Variants in PARP15 observed in about 807,000 individuals in gnomAD.
PARP15 encodes poly(ADP-ribose) polymerase family member 15, also known as protein mono-ADP-ribosyltransferase PARP15.
A neutral mutation model predicts 62.1 loss-of-function variants in PARP15; 50 were observed. The ratio of observed to expected loss-of-function variants is 0.81; its 90% confidence interval spans 0.64 to 1.02. The LOEUF (loss-of-function observed/expected upper bound fraction) is 1.02. Among genes scored for constraint, PARP15 ranks in the 50% least tolerant of loss-of-function variants. The pLI is 0.00. For missense variants in PARP15, 820 were observed against 826.5 expected (o/e 0.99, Z 0.10); for synonymous variants, 309 against 293.1 (o/e 1.05, Z -0.55).
chr3:122,625,729 TG>T (rs1936680390), intron 8 of PARP15, among the ~76,000 whole-genome samples: 1 of 152,226 alleles, frequency 6.6e-6, no homozygotes, highest in African/African-American at 2.4e-5. Context: ...GCTGATACCT[TG>T]GCCTCAGTCT....
At chr3:122,583,524 G>A (rs1311701013) in intron 1 of PARP15, among the ~76,000 whole-genome samples, 1 of 151,972 alleles carries the variant, frequency 6.6e-6, no homozygotes, top group Non-Finnish European at 1.5e-5. Context: ...TTGATTGGAT[G>A]CCAGACATTA....
At chr3:122,592,691 A>G (rs183861177) in intron 1 of PARP15, among the ~76,000 whole-genome samples, 1 of 152,272 alleles carries the variant, frequency 6.6e-6, no homozygotes, top group East Asian at 1.9e-4. Flanking sequence ...CACTGTTCTA[A>G]CCATTAAACT....
intron 1 of PARP15, among the ~76,000 whole-genome samples, chr3:122,599,190 C>A (rs1044802512): frequency 3.3e-5 from 5 of 152,198 alleles, no homozygotes; most frequent in African/African-American, 4.8e-5. Flanking sequence ...GCCACCACAC[C>A]CAGCCTGTCC....
At chr3:122,583,427 T>A (rs1449122108) in intron 1 of PARP15, among the ~76,000 whole-genome samples, 2 of 152,124 alleles carry the variant, frequency 1.3e-5, no homozygotes, top group Non-Finnish European at 2.9e-5. Flanking sequence ...AAGCACAGTC[T>A]GTATCATTTT....
At chr3:122,593,287 C>T (rs376195327) in intron 1 of PARP15, among the ~76,000 whole-genome samples, 17 of 152,068 alleles carry the variant, frequency 1.1e-4, no homozygotes, top group African/African-American at 3.6e-4. Flanking sequence ...TACAGATGCC[C>T]GCCACCATGC....
In PARP15 at chr3:122,635,872, C is replaced by G; in HGVS notation, c.1809C>G (p.Thr603=). Residue 603 remains threonine, a synonymous_variant, in exon 12 of 12, where the codon ACC becomes ACG. Coordinates refer to ENST00000464300, the MANE Select transcript of PARP15 (RefSeq NM_001113523.3). The stretch of plus-strand genomic sequence containing the variant: ...ATGCCAGTTATTCTGCCAAGGACAC[C>G]TACTCCAAGCCAGACAGCAATGGGA... ...AVDASYSAKD[T]YSKPDSNGRK... is the part of the protein sequence containing the mutation. The G allele has an allele frequency of 6.2e-7, 1 of 1,614,006 alleles. No individual in the cohort carries two copies. The highest frequency in any genetic ancestry group is 2.2e-5 in the East Asian group (1 of 44,884).
Position 122,601,036 on chromosome 3 carries a change from G to GTTTT in PARP15, c.187-4880_187-4877dup, listed in dbSNP as rs771581231. On this transcript the variant is annotated intron_variant, in intron 1 of 11. Transcript: ENST00000464300. ...CATTGGTTTTTGTTTGTCTTTTATG[G>GTTTT]TTTTTTTTTTTTTTTTTTTTTTTGA... Among the ~76,000 whole-genome samples, 71 of 73,022 alleles carry GTTTT rather than the reference G, an allele frequency of 9.7e-4. 2 individuals carry two copies. Among genetic ancestry groups the GTTTT allele is most frequent in the East Asian group, 1.5e-3 (4 of 2,690 alleles). The allele number at this position is 73,022 out of a possible 152,430, so 47.9% of individuals were successfully genotyped here. A position where few individuals can be genotyped will look rare whatever the true frequency, so the allele number is the denominator to read the frequency against.
Position 122,621,583 on chromosome 3 carries a change from A to C in PARP15, c.1203A>C (p.Thr401=), listed in dbSNP as rs772169717. The change falls in exon 8 of 12, where the codon ACA becomes ACC. Residue 401 remains threonine (T), a synonymous_variant. Coordinates refer to ENST00000464300, the MANE Select transcript of PARP15 (RefSeq NM_001113523.3). ...AAGAGTGTGAACAGAGGAAGTACAC[A>C]TCGGTTTCCCTTCCAGCCATTGGAA... ...VLEECEQRKY[T]SVSLPAIGTG... The C allele has an allele frequency of 1.9e-6, 3 of 1,601,810 alleles. No individual in the cohort carries two copies. The highest frequency in any genetic ancestry group is 2.6e-6 in the Non-Finnish European group (3 of 1,176,340).
chr3:122,629,857 CTA>C (rs1936962787), intron 9 of PARP15, among the ~76,000 whole-genome samples: 1 of 152,126 alleles, frequency 6.6e-6, no homozygotes. Flanking sequence ...GTTTGAGCTC[CTA>C]TGAGAATCTA....
intron 1 of PARP15, among the ~76,000 whole-genome samples, chr3:122,597,118 C>T (rs747860970): frequency 2.0e-5 from 3 of 152,140 alleles, no homozygotes; most frequent in Non-Finnish European, 4.4e-5. Context: ...CTGATGAGGG[C>T]TTATTTTCTC....
At chr3:122,602,227 C>G (rs76199870) in intron 1 of PARP15, among the ~76,000 whole-genome samples, 2,406 of 152,286 alleles carry the variant, frequency 0.016, 66 homozygotes, top group African/African-American at 0.053. Context: ...TTTCCCAGGG[C>G]ACTGCCTTTG....
chr3:122,626,951 G>C lies in PARP15; in HGVS notation c.1356G>C (p.Leu452=), dbSNP rs375575228. 25 of 1,613,822 alleles carry C rather than the reference G, an allele frequency of 1.5e-5. No homozygotes were observed. Among genetic ancestry groups the C allele is most frequent in the East Asian group, 1.3e-4 (6 of 44,878 alleles). ...AAGTTGTCATTTTTCAACCTGAGCT[G>C]CTAAATATATTCTACGACAGCATGA... ...TVKVVIFQPE[L]LNIFYDSMKK... is the part of the protein sequence containing the mutation. Residue 452 remains leucine, a synonymous_variant, in exon 9 of 12, where the codon CTG becomes CTC. Transcript: ENST00000464300.
At chr3:122,626,491 C>T (rs1220327680) in intron 8 of PARP15, among the ~76,000 whole-genome samples, 8 of 152,200 alleles carry the variant, frequency 5.3e-5, no homozygotes, top group African/African-American at 1.9e-4. Context: ...AGCCACCGCA[C>T]CTGGCCTAGC....
chr3:122,598,173 C>T (rs1281549459), intron 1 of PARP15, among the ~76,000 whole-genome samples: 1 of 152,204 alleles, frequency 6.6e-6, no homozygotes, highest in African/African-American at 2.4e-5. Flanking sequence ...GCCTTATCCC[C>T]ACTGTCTCTA....
Position 122,577,837 on chromosome 3 carries a change from C to A in PARP15, c.170C>A (p.Ser57Tyr). 1 of 1,549,646 alleles carries A rather than the reference C, an allele frequency of 6.5e-7. No individual in the cohort carries two copies. ...GGGGCGCGGAAGGCCTCCCGGCGCT[C>A]TTCCTCCCGGAGTATGGTGAGGAGC... is the stretch of plus-strand genomic sequence containing the variant. ...NRGARKASRRSSSRSMSRDNK... is the reference protein window; with the variant it reads ...NRGARKASRRYSSRSMSRDNK... The change falls in exon 1 of 12, where the codon TCT (serine) becomes TAT (tyrosine). Residue 57 changes from serine (S) to tyrosine (Y), a missense_variant. By Grantham distance (144) the Ser-to-Tyr change is moderately radical. This residue lies in a region of PARP15 where 731 missense variants were observed against 727.7 expected (regional missense o/e 1.00). Transcript: ENST00000464300.
chr3:122,598,798 C>G lies in PARP15; in HGVS notation c.187-7138C>G, dbSNP rs181021884. 4.0e-3 allele frequency among the ~76,000 whole-genome samples: 605 copies of G among 152,302 alleles called. 3 individuals are homozygous for G. The highest frequency in any genetic ancestry group is 5.9e-3 in the Non-Finnish European group (398 of 68,012). On this transcript the variant is annotated intron_variant, in intron 1 of 11. Transcript: ENST00000464300. ...ACAGCTTCAAGACAGTCTCCCTTCA[C>G]CACCCTCTACTTCTAGCCAGATTGT...
chr3:122,616,157 G>A (rs1576525406), intron 5 of PARP15, among the ~76,000 whole-genome samples: 1 of 152,172 alleles, frequency 6.6e-6, no homozygotes, highest in South Asian at 2.1e-4. Context: ...ATTATTTAAC[G>A]TGTACAATGG....
At chr3:122,627,128 A>G (rs1936786794) in intron 9 of PARP15, 95 bp downstream of exon 9, 2 of 1,129,514 alleles carry the variant, frequency 1.8e-6, no homozygotes, top group Non-Finnish European at 2.5e-6. Flanking sequence ...ATAGTTTTCT[A>G]TTCGTTTTAG....
At position 122,633,980 on chromosome 3, in the gene PARP15, A is replaced by G. The variant is rs554259590; in HGVS notation, c.1573-1040A>G. On this transcript the variant is annotated intron_variant, in intron 10 of 11. Coordinates refer to ENST00000464300, the MANE Select transcript of PARP15 (RefSeq NM_001113523.3). ...CCCTCCAGGCTTCCTGGAATCCTTC[A>G]TTGCTTCCTCCAGTCAACCCCCTCA... Among the ~76,000 whole-genome samples the G allele has an allele frequency of 1.7e-4, 26 of 152,024 alleles. No homozygotes were observed. In the East Asian group the frequency reaches 2.5e-3, roughly 15 times the overall value.
Sources: allele counts gnomAD v4.1 joint callset (sites outside exome capture counted in the v4.1 genomes callset), GRCh38; gene constraint gnomAD v4.1.1; regional missense constraint gnomAD v4.1.1; transcripts MANE v1.5; gene names NCBI Gene and HGNC (gene_info 2026-07-23, HGNC 2026-07-21).